Variants in PRRC2B observed in about 807,000 individuals in gnomAD.
The protein encoded by PRRC2B is protein PRRC2B.
In PRRC2B, 68 loss-of-function variants were observed where a neutral mutation model predicts 242.3. The ratio of observed to expected loss-of-function variants is 0.28; its 90% CI spans 0.23 to 0.34. The LOEUF is 0.34. Ranked by LOEUF, PRRC2B falls within the 10% of genes least tolerant of loss-of-function variation. PRRC2B has a pLI of 1.00. For missense variants in PRRC2B, 2,835 were observed against 2,954.8 expected, an observed-to-expected ratio of 0.96 and a Z score of 0.94; for synonymous variants, 1,228 against 1,173.6, an observed-to-expected ratio of 1.05 and a Z score of -0.95.
intron 1 of PRRC2B, among the ~76,000 whole-genome samples, chr9:131,417,228 G>A (rs1837682937): frequency 6.6e-6 from 1 of 152,116 alleles, no homozygotes; most frequent in South Asian, 2.1e-4. Context: ...TGTGGTGTTT[G>A]TCTGCTGCCC....
At chr9:131,476,661 C>T (rs1361516410) in intron 16 of PRRC2B, 126 bp downstream of exon 16, 12 of 799,460 alleles carry the variant, frequency 1.5e-5, no homozygotes, top group East Asian at 1.1e-4. Context: ...GCCGTCTGTG[C>T]GCGTCTCCAT....
In PRRC2B at chr9:131,430,561, A is replaced by ATGTGTGTGTGTGTGTG. The variant is rs200517031; in HGVS notation, c.115+322_115+337dup. On this transcript the variant is annotated intron_variant, in intron 2 of 31. Coordinates refer to ENST00000683519, the MANE Select transcript of PRRC2B (RefSeq NM_013318.4). ...TATAGATATCTATAGGTGTGTGTGT[A>ATGTGTGTGTGTGTGTG]TGTGTGTGTGTGTGTGTGTGTGTGT... Among the ~76,000 whole-genome samples the ATGTGTGTGTGTGTGTG allele has an allele frequency of 2.8e-3, 336 of 118,768 alleles. 2 individuals carry two copies. Among genetic ancestry groups the ATGTGTGTGTGTGTGTG allele is most frequent in the African/African-American group, 3.7e-3 (114 of 31,210 alleles). 77.9% of individuals were successfully genotyped at this position (118,768 alleles called of 152,430 possible).
chr9:131,377,686 C>T (rs1395177418), intron 1 of PRRC2B, among the ~76,000 whole-genome samples: 2 of 152,160 alleles, frequency 1.3e-5, no homozygotes, highest in African/African-American at 2.4e-5. Flanking sequence ...GTGTCCAAGG[C>T]GAGGTGGAAA....
chr9:131,430,609 T>C (rs2131324210), intron 2 of PRRC2B, among the ~76,000 whole-genome samples: 1 of 107,104 alleles, frequency 9.3e-6, no homozygotes, highest in African/African-American at 3.5e-5. Flanking sequence ...ATATATGTTT[T>C]GGAGACAGAG....
chr9:131,470,128 A>G (rs1333898321), intron 13 of PRRC2B, among the ~76,000 whole-genome samples: 1 of 152,198 alleles, frequency 6.6e-6, no homozygotes, highest in African/African-American at 2.4e-5. Flanking sequence ...TGGCAGGGAT[A>G]TATGGAGCAG....
At chr9:131,459,640 A>G (rs1274031255) in intron 11 of PRRC2B, among the ~76,000 whole-genome samples, 1 of 151,630 alleles carries the variant, frequency 6.6e-6, no homozygotes, top group Non-Finnish European at 1.5e-5. Context: ...CCCACCCTCA[A>G]GCGATCCTCC....
Position 131,467,599 on chromosome 9 carries a change from C to T in PRRC2B, c.1757C>T (p.Thr586Ile), listed in dbSNP as rs959381476. 3 of 1,612,982 alleles carry T rather than the reference C, an allele frequency of 1.9e-6. No individual in the cohort carries two copies. The highest frequency in any genetic ancestry group is 1.7e-6 in the Non-Finnish European group (2 of 1,179,486). Residue 586 changes from threonine to isoleucine, a missense_variant, in exon 13 of 32, where the codon ACA becomes ATA. By Grantham distance (89) the Thr-to-Ile change is moderately conservative. Transcript: ENST00000683519. ...TTCCCTGCCCAAGAGACCCCCACCA[C>T]ATTCCCAGAAGAGGCACCCACAGTG... Reference protein sequence around the residue: ...PEFPAQETPTTFPEEAPTVSP... With the variant: ...PEFPAQETPTIFPEEAPTVSP...
chr9:131,420,124 A>G (rs755763984), intron 1 of PRRC2B, among the ~76,000 whole-genome samples: 1 of 151,926 alleles, frequency 6.6e-6, no homozygotes, highest in Non-Finnish European at 1.5e-5. Flanking sequence ...CTTCCTATAT[A>G]TGCTGTCTCC....
At chr9:131,393,454 C>G (rs969020258), upstream of PRRC2B, among the ~76,000 whole-genome samples, 2 of 152,198 alleles carry the variant, frequency 1.3e-5, no homozygotes, top group Admixed American at 6.5e-5. Context: ...TGCAATCACA[C>G]AAACACACAA....
At chr9:131,491,313 T>G in intron 28 of PRRC2B, 112 bp from the exon 29 acceptor site, 1 of 1,088,378 alleles carries the variant, frequency 9.2e-7, no homozygotes, top group Non-Finnish European at 1.3e-6. Flanking sequence ...AGGCTTTGCT[T>G]TAGTTCTTCT....
intron 20 of PRRC2B, among the ~76,000 whole-genome samples, 156 bp downstream of exon 20, chr9:131,481,964 G>A (rs1003225265): frequency 1.3e-5 from 2 of 152,240 alleles, no homozygotes; most frequent in Admixed American, 6.5e-5. Flanking sequence ...CTCATCAGTG[G>A]TTTTCCATCT....
At chr9:131,427,151 C>T (rs1837998463) in intron 1 of PRRC2B, among the ~76,000 whole-genome samples, 1 of 152,224 alleles carries the variant, frequency 6.6e-6, no homozygotes, top group East Asian at 1.9e-4. Flanking sequence ...ATCTGTCCCT[C>T]AGTGATTGGC....
chr9:131,452,975 G>A (rs571888738), intron 9 of PRRC2B, among the ~76,000 whole-genome samples: 1 of 152,308 alleles, frequency 6.6e-6, no homozygotes, highest in African/African-American at 2.4e-5. Context: ...AGATCTTACT[G>A]TATATTTACT....
At chr9:131,456,504 G>T (rs1005539300) in intron 10 of PRRC2B, among the ~76,000 whole-genome samples, 4 of 151,988 alleles carry the variant, frequency 2.6e-5, no homozygotes, top group African/African-American at 4.8e-5. Context: ...GGTGGTAGGT[G>T]CCTGTAGTCC....
rs367611928 is a variant in PRRC2B at position 131,435,594 on chromosome 9, G to A, written c.294-1026G>A. ...CATGCCACTGCACTGCAACCTGGGC[G>A]GCAGAATGAGACTCCATCTAAAAAA... On this transcript the variant is annotated intron_variant, in intron 3 of 31. Transcript: ENST00000683519. Among the ~76,000 whole-genome samples, 5 of 150,926 alleles carry A rather than the reference G, an allele frequency of 3.3e-5. No individual in the cohort carries two copies. The South Asian group carries it at 6.2e-4, about 19-fold the overall frequency.
intron 12 of PRRC2B, among the ~76,000 whole-genome samples, chr9:131,466,864 C>T (rs1360704744): frequency 3.2e-4 from 49 of 151,660 alleles, no homozygotes; most frequent in Admixed American, 3.0e-3. Flanking sequence ...TGCAGTGGCA[C>T]GATCTCGGCT....
chr9:131,481,199 A>G (rs1943852136), intron 19 of PRRC2B, among the ~76,000 whole-genome samples: 1 of 147,652 alleles, frequency 6.8e-6, no homozygotes, highest in East Asian at 2.1e-4. Context: ...AGTCCCAGCT[A>G]TTCGGGAGGC....
At chr9:131,491,040 TC>T (rs1944178983) in intron 28 of PRRC2B, 1 of 233,580 alleles carries the variant, frequency 4.3e-6, no homozygotes, top group African/African-American at 2.3e-5. Context: ...CCCTGCCGCT[TC>T]CTTGGCACCT....
chr9:131,397,749 G>A (rs554232998), intron 1 of PRRC2B, among the ~76,000 whole-genome samples: 1 of 151,996 alleles, frequency 6.6e-6, no homozygotes, highest in African/African-American at 2.4e-5. Flanking sequence ...TCAATAATGA[G>A]GCTTCCCTAC....
Sources: allele counts gnomAD v4.1 joint callset (sites outside exome capture counted in the v4.1 genomes callset), GRCh38; gene constraint gnomAD v4.1.1; transcripts MANE v1.5; gene names NCBI Gene and HGNC (gene_info 2026-07-23, HGNC 2026-07-21).